The following ZNF503 variants were observed in gnomAD, a reference collection of about 807,000 sequenced individuals.
ZNF503 encodes the protein zinc finger protein 503, also known as NocA-like zinc finger 2.
A neutral mutation model predicts 34.4 loss-of-function variants in ZNF503; 15 were observed. The ratio of observed to expected loss-of-function variants is 0.44; its 90% CI spans 0.29 to 0.67. The LOEUF is 0.67. Among genes scored for constraint, ZNF503 ranks in the 30% least tolerant of loss-of-function variants. The pLI is 0.13. For missense variants in ZNF503, 1,007 were observed against 926.8 expected, an observed-to-expected ratio of 1.09 and a Z score of -1.12; for synonymous variants, 580 against 456.8, an observed-to-expected ratio of 1.27 and a Z score of -3.44.
chr10:75,349,973 G>A, the ZNF503 span, among the ~76,000 whole-genome samples: 1 of 152,216 alleles, frequency 6.6e-6, no homozygotes, highest in African/African-American at 2.4e-5. Flanking sequence ...GGGCCCTGAG[G>A]ATCTAGTGAA....
chr10:75,280,783 G>A, the ZNF503 span, among the ~76,000 whole-genome samples: 1 of 152,068 alleles, frequency 6.6e-6, no homozygotes, highest in Non-Finnish European at 1.5e-5. Context: ...CAGGAGAGAG[G>A]GAGGACCCAA....
chr10:75,399,873 C>T lies in ZNF503; in HGVS notation c.817G>A (p.Glu273Lys). Reference protein sequence around the residue: ...GGKGTGGASAEGGPTGLAHGR... With the variant: ...GGKGTGGASAKGGPTGLAHGR... ...TGTGCCAGCCCCGTGGGTCCCCCTT[C>T]GGCCGAGGCGCCCCCGGTGCCCTTG... Residue 273 changes from glutamate (E) to lysine (K), a missense_variant, in exon 2 of 2, where the codon GAA (glutamate) becomes AAA (lysine). Coordinates refer to ENST00000372524, the MANE Select transcript of ZNF503 (RefSeq NM_032772.6). 6.3e-7 allele frequency: 1 copy of T among 1,599,862 alleles called. No homozygotes were observed.
At chr10:75,296,976 G>A in the ZNF503 span, among the ~76,000 whole-genome samples, 12 of 152,224 alleles carry the variant, frequency 7.9e-5, no homozygotes, top group African/African-American at 2.9e-4. Flanking sequence ...TCTTGGCTGG[G>A]AATAGGTGAG....
In ZNF503 at chr10:75,399,572, T is replaced by G. The variant is rs761194053; in HGVS notation, c.1118A>C (p.Gln373Pro). The G allele has an allele frequency of 1.3e-6, 2 of 1,596,372 alleles. No homozygotes were observed. The highest frequency in any genetic ancestry group is 2.7e-5 in the African/African-American group (2 of 74,976). ...AAGTGCCACGCCGTGTGGCAGGAACTGGGGCGGGTAGCCGGCGTAGGCCCC... is the reference window on the plus strand; with the variant it reads ...AAGTGCCACGCCGTGTGGCAGGAACGGGGGCGGGTAGCCGGCGTAGGCCCC... ...LAGAYAGYPP[Q>P]FLPHGVALDP... Residue 373 changes from glutamine (Q) to proline (P), a missense_variant, in exon 2 of 2, where the codon CAG (glutamine) becomes CCG (proline). Coordinates refer to ENST00000372524, the MANE Select transcript of ZNF503 (RefSeq NM_032772.6).
chr10:75,330,058 T>C, the ZNF503 span, among the ~76,000 whole-genome samples: 1 of 152,220 alleles, frequency 6.6e-6, no homozygotes, highest in Non-Finnish European at 1.5e-5. Flanking sequence ...GAGCTTTAAT[T>C]ATGAATGAAT....
the ZNF503 span, among the ~76,000 whole-genome samples, chr10:75,285,101 C>T: frequency 2.0e-5 from 3 of 152,250 alleles, no homozygotes; most frequent in African/African-American, 7.2e-5. Context: ...GACTTATCAA[C>T]ATAACTAACA....
chr10:75,315,307 C>T, the ZNF503 span, among the ~76,000 whole-genome samples: 1 of 152,300 alleles, frequency 6.6e-6, no homozygotes, highest in East Asian at 1.9e-4. Flanking sequence ...CTGTGGTGAG[C>T]TGTGATCATG....
chr10:75,292,453 G>A, the ZNF503 span, among the ~76,000 whole-genome samples: 3 of 152,208 alleles, frequency 2.0e-5, no homozygotes, highest in African/African-American at 7.2e-5. Flanking sequence ...GTCGTCATTT[G>A]CTCCTGCGAT....
the ZNF503 span, among the ~76,000 whole-genome samples, chr10:75,337,406 C>T: frequency 2.0e-5 from 3 of 151,440 alleles, no homozygotes; most frequent in Admixed American, 6.6e-5. Flanking sequence ...GGGCGGATCA[C>T]GAGGTCAGGA....
At chr10:75,315,622 AACACT>A in the ZNF503 span, among the ~76,000 whole-genome samples, 444 of 152,336 alleles carry the variant, frequency 2.9e-3, no homozygotes, top group African/African-American at 1.0e-2. Flanking sequence ...ATCAAAGCGT[AACACT>A]ACAGAAAATT....
chr10:75,287,212 T>C, the ZNF503 span, among the ~76,000 whole-genome samples: 1 of 152,150 alleles, frequency 6.6e-6, no homozygotes. Context: ...GGTGACCATC[T>C]GTTGGGTGGC....
chr10:75,329,112 G>A, the ZNF503 span, among the ~76,000 whole-genome samples: 2 of 152,000 alleles, frequency 1.3e-5, no homozygotes, highest in Non-Finnish European at 2.9e-5. Context: ...AAAGATCATA[G>A]AGATCTTTTA....
At chr10:75,378,286 C>T in the ZNF503 span, among the ~76,000 whole-genome samples, 3 of 152,156 alleles carry the variant, frequency 2.0e-5, no homozygotes, top group Non-Finnish European at 4.4e-5. Flanking sequence ...TTCCAACCCC[C>T]ATCCCCAACT....
the ZNF503 span, among the ~76,000 whole-genome samples, chr10:75,320,125 CAAAG>C: frequency 7.2e-5 from 11 of 152,136 alleles, no homozygotes; most frequent in African/African-American, 2.4e-4. Flanking sequence ...AAAGAGAGTA[CAAAG>C]AAAGAAAACT....
the ZNF503 span, among the ~76,000 whole-genome samples, chr10:75,331,972 T>G: frequency 6.6e-6 from 1 of 152,062 alleles, no homozygotes; most frequent in Non-Finnish European, 1.5e-5. Context: ...TTTATCTAAG[T>G]ATAGCTACTT....
chr10:75,284,102 T>C, the ZNF503 span: 1 of 151,576 alleles, frequency 6.6e-6, no homozygotes, highest in South Asian at 2.1e-4. Flanking sequence ...CCAATATTTA[T>C]TACTCTTCCA....
the ZNF503 span, among the ~76,000 whole-genome samples, chr10:75,383,401 C>T: frequency 1.7e-4 from 26 of 152,282 alleles, no homozygotes; most frequent in South Asian, 4.8e-3. Flanking sequence ...TGAGTTTCCC[C>T]CCACTTCTGC....
the ZNF503 span, among the ~76,000 whole-genome samples, chr10:75,327,918 C>T: frequency 1.3e-5 from 2 of 151,640 alleles, no homozygotes; most frequent in Admixed American, 1.3e-4. Flanking sequence ...GTCTATTCAG[C>T]TCATTTGCCC....
chr10:75,313,724 G>C, the ZNF503 span, among the ~76,000 whole-genome samples: 132 of 152,330 alleles, frequency 8.7e-4, 1 homozygote, highest in East Asian at 0.021. Context: ...TGCCCCTGCA[G>C]ACAGCAGGTG....
Sources: gnomAD v4.1 joint callset for allele counts (sites outside exome capture counted in the v4.1 genomes callset) on GRCh38, gnomAD v4.1.1 for gene constraint, MANE v1.5 for transcripts, NCBI Gene and HGNC (gene_info 2026-07-23, HGNC 2026-07-21) for gene names.